PGF: variants seen among roughly 807,000 people sequenced by gnomAD.
The protein encoded by PGF is placental growth factor.
A neutral mutation model predicts 25.3 loss-of-function variants in PGF; 11 were observed. The observed-to-expected ratio is 0.43, with a 90% CI of 0.27 to 0.72. The LOEUF (loss-of-function observed/expected upper bound fraction) is 0.72. Ranked by LOEUF, PGF falls within the 30% of genes least tolerant of loss-of-function variation. The pLI, the probability that PGF is intolerant of heterozygous loss-of-function variation, is 0.18. For missense variants in PGF, 230 were observed against 234.9 expected (o/e 0.98, Z 0.14); for synonymous variants, 105 against 97.9 (o/e 1.07, Z -0.43).
Position 74,949,316 on chromosome 14 carries a change from T to C in PGF, c.315+41A>G, listed in dbSNP as rs370246092. 151 of 1,421,188 alleles carry C rather than the reference T, an allele frequency of 1.1e-4. 1 individual carries two copies. In the African/African-American group the frequency reaches 2.0e-3, roughly 19 times the overall value. 88.0% of individuals were successfully genotyped at this position (1,421,188 alleles called of 1,614,324 possible). On this transcript the variant is annotated intron_variant, in intron 3 of 6. Transcript: ENST00000555567. ...TCTTCCCTCTCCAGGTACCTTCTAG[T>C]GGGCAGATTCGGTGGCCCCCTGGGC...
intron 6 of PGF, chr14:74,944,551 CT>C (rs879530664): frequency 8.3e-4 from 120 of 144,912 alleles, no homozygotes; most frequent in Admixed American, 9.0e-4. Context: ...ATGACTTATA[CT>C]TTTTTTTTTT....
chr14:74,953,292 C>A lies in PGF; in HGVS notation c.118+612G>T. Among the ~76,000 whole-genome samples the A allele has an allele frequency of 6.6e-6, 1 of 152,168 alleles. No homozygotes were observed. Among genetic ancestry groups the A allele is most frequent in the East Asian group, 1.9e-4 (1 of 5,196 alleles). ...TCTTGGAGAGGCAGGGAGGGAGGAG[C>A]GAGGTAGGGGGCCTGGCATGGGCCT... On this transcript the variant is annotated intron_variant, in intron 2 of 6. Transcript: ENST00000555567. The surrounding 1 kb of genome is among the most constrained non-coding windows in gnomAD (Gnocchi z 5.4).
At chr14:74,946,088 C>A (rs1185506512) in intron 6 of PGF, 125 bp downstream of exon 6, 5 of 786,966 alleles carry the variant, frequency 6.4e-6, no homozygotes, top group Non-Finnish European at 1.1e-5. Context: ...AGGTGCAGCT[C>A]CCTGTTCTGC....
At position 74,942,131 on chromosome 14, in the gene PGF, G is replaced by A. The variant is rs1281328873; in HGVS notation, c.*575C>T. 6.4e-6 allele frequency: 1 copy of A among 157,062 alleles called. No homozygotes were observed. The highest frequency in any genetic ancestry group is 1.4e-5 in the Non-Finnish European group (1 of 71,526). The allele number at this position is 157,062 out of a possible 1,614,324, so 9.7% of individuals were successfully genotyped here. A position where few individuals can be genotyped will look rare whatever the true frequency, so the allele number is the denominator to read the frequency against. On this transcript the variant is annotated 3_prime_UTR_variant, in exon 7 of 7. Coordinates refer to ENST00000555567, the MANE Select transcript of PGF (RefSeq NM_002632.6). ...CCAGTACAAGCAAATGGCAAAGTGTGAGGGGAGATCACGGGGGACAAGGAG... is the reference window on the plus strand; with the variant it reads ...CCAGTACAAGCAAATGGCAAAGTGTAAGGGGAGATCACGGGGGACAAGGAG...
intron 4 of PGF, chr14:74,947,302 C>T (rs142674406): frequency 2.0e-4 from 37 of 180,990 alleles, no homozygotes; most frequent in Admixed American, 3.6e-4. Context: ...GGGTTCATTA[C>T]CGAGCTCTTG....
Position 74,953,581 on chromosome 14 carries a change from C to T in PGF, c.118+323G>A, listed in dbSNP as rs916185363. Among the ~76,000 whole-genome samples, 3 of 152,150 alleles carry T rather than the reference C, an allele frequency of 2.0e-5. No individual in the cohort carries two copies. Among genetic ancestry groups the T allele is most frequent in the African/African-American group, 7.2e-5 (3 of 41,414 alleles). On this transcript the variant is annotated intron_variant, in intron 2 of 6. Transcript: ENST00000555567. The surrounding 1 kb of genome is among the most constrained non-coding windows in gnomAD (Gnocchi z 5.4). ...CCCCCATTCTGGCCCCTGGCACTCA[C>T]TCCCCACCCTGTCCTCCAAGACCCC...
chr14:74,946,615 C>T, intron 4 of PGF: 1 of 633,956 alleles, frequency 1.6e-6, no homozygotes, highest in Non-Finnish European at 2.9e-6. Flanking sequence ...GGTGACCCCA[C>T]CACGAGAGGG....
At chr14:74,952,425 C>T (rs61757883) in intron 2 of PGF, among the ~76,000 whole-genome samples, 3,491 of 152,244 alleles carry the variant, frequency 0.023, 148 homozygotes, top group African/African-American at 0.079. Context: ...AGGCTTGGGG[C>T]GACCCCCAGG....
At chr14:74,954,208 C>A (rs1193063489) in intron 1 of PGF, 4 of 512,354 alleles carry the variant, frequency 7.8e-6, no homozygotes, top group Admixed American at 6.3e-5. Flanking sequence ...CCTTGGCCTG[C>A]TGCATCCCAA....
chr14:74,949,909 A>G (rs1342361712), intron 2 of PGF, among the ~76,000 whole-genome samples: 1 of 152,152 alleles, frequency 6.6e-6, no homozygotes, highest in African/African-American at 2.4e-5. Context: ...TCCAACTTGG[A>G]GAACTTGCAG....
chr14:74,946,384 C>T lies in PGF; in HGVS notation c.417G>A (p.Pro139=), dbSNP rs146538362. ...ECRPLREKMK[P]ERRRPKGRGK... ...GCCCCAGCCAAACCACTTACCTTTC[C>T]GGCTTCATCTTCTCCCGCAGAGGCC... The change falls in exon 5 of 7, where the codon CCG becomes CCA. Residue 139 remains proline (P), a synonymous_variant. Transcript: ENST00000555567. The T allele has an allele frequency of 1.9e-4, 300 of 1,611,900 alleles. No individual in the cohort carries two copies. Among genetic ancestry groups the T allele is most frequent in the Non-Finnish European group, 2.4e-4 (287 of 1,178,596 alleles).
At chr14:74,944,229 A>T (rs997238513) in intron 6 of PGF, among the ~76,000 whole-genome samples, 1 of 151,368 alleles carries the variant, frequency 6.6e-6, no homozygotes. Context: ...CAGCCTCCCG[A>T]GTAGCTGGGA....
intron 1 of PGF, among the ~76,000 whole-genome samples, chr14:74,954,903 G>C (rs1888950011): frequency 1.3e-5 from 2 of 152,050 alleles, no homozygotes; most frequent in African/African-American, 4.8e-5. Context: ...AGCCACCAGG[G>C]CTCCAGGGGC....
intron 6 of PGF, among the ~76,000 whole-genome samples, chr14:74,944,308 T>A (rs1372399001): frequency 6.6e-6 from 1 of 151,992 alleles, no homozygotes; most frequent in Admixed American, 6.6e-5. Context: ...TTCACCATGT[T>A]AGCCAGGATG....
chr14:74,943,371 T>C (rs909696269), intron 6 of PGF, among the ~76,000 whole-genome samples: 5 of 152,204 alleles, frequency 3.3e-5, no homozygotes, highest in East Asian at 3.8e-4. Context: ...ATTTGAGATA[T>C]TGATGTAGGT....
At chr14:74,954,824 C>A (rs911421324) in intron 1 of PGF, among the ~76,000 whole-genome samples, 4 of 152,122 alleles carry the variant, frequency 2.6e-5, no homozygotes, top group Admixed American at 2.0e-4. Context: ...CCTGGTTGGC[C>A]ATGGGGCCTC....
In PGF at chr14:74,955,374, C is replaced by G; in HGVS notation, c.-132G>C. On this transcript the variant is annotated 5_prime_UTR_variant, in exon 1 of 7. Transcript: ENST00000555567. This position sits in a 1 kb window ranked among gnomAD's most constrained non-coding sequence, Gnocchi z 4.1. Reference sequence around the variant, plus strand: ...CTCCCTCACTGCTGCCCCGAGGCCCCGGCCGGTGGTTCGAGCATCTTCTGG... The same window carrying G: ...CTCCCTCACTGCTGCCCCGAGGCCCGGGCCGGTGGTTCGAGCATCTTCTGG... 1 of 452,882 alleles carries G rather than the reference C, an allele frequency of 2.2e-6. No individual in the cohort carries two copies. The allele number at this position is 452,882 out of a possible 1,614,324, so 28.1% of individuals were successfully genotyped here. A position where few individuals can be genotyped will look rare whatever the true frequency, so the allele number is the denominator to read the frequency against.
intron 6 of PGF, among the ~76,000 whole-genome samples, chr14:74,943,187 C>T (rs932032729): frequency 2.6e-5 from 4 of 152,160 alleles, no homozygotes. Flanking sequence ...TGAGTACTGA[C>T]GGTTTTAAAG....
intron 6 of PGF, among the ~76,000 whole-genome samples, chr14:74,943,954 C>A (rs1888658062): frequency 6.6e-6 from 1 of 151,288 alleles, no homozygotes; most frequent in South Asian, 2.1e-4. Context: ...CAATAAAAGA[C>A]TTCTGAAAAT....
Sources: gnomAD v4.1 joint callset for allele counts (sites outside exome capture counted in the v4.1 genomes callset) on GRCh38, gnomAD v4.1.1 for gene constraint, Gnocchi (gnomAD v3.1) non-coding constraint, MANE v1.5 for transcripts, NCBI Gene and HGNC (gene_info 2026-07-23, HGNC 2026-07-21) for gene names.